Variants in RNF150 observed in about 807,000 individuals in gnomAD.
RNF150 encodes the protein ring finger protein 150.
RNF150 carries 24 observed loss-of-function variants against 39.3 expected under a neutral mutation model. The ratio of observed to expected loss-of-function variants is 0.61; its 90% CI spans 0.44 to 0.86. The LOEUF (loss-of-function observed/expected upper bound fraction) is 0.86, where lower values mean the gene tolerates loss of function less well. RNF150 is among the 40% of genes least tolerant of loss of function. The pLI, the probability that RNF150 is intolerant of heterozygous loss-of-function variation, is 0.00. For missense variants in RNF150, 502 were observed against 587.8 expected (o/e 0.85, Z 1.51); for synonymous variants, 255 against 227.3 (o/e 1.12, Z -1.10).
intron 1 of RNF150, among the ~76,000 whole-genome samples, chr4:141,097,721 C>T (rs1243090596): frequency 1.3e-5 from 2 of 151,814 alleles, no homozygotes; most frequent in African/African-American, 4.8e-5. Context: ...TTTTTTGAAC[C>T]ATTTATATTC....
chr4:140,882,317 T>A (rs1729407721), intron 6 of RNF150, among the ~76,000 whole-genome samples: 1 of 152,208 alleles, frequency 6.6e-6, no homozygotes, highest in Non-Finnish European at 1.5e-5. Context: ...CTCAATCTTC[T>A]TAAATTTCTT....
chr4:140,883,094 A>T (rs1199943055), intron 6 of RNF150, among the ~76,000 whole-genome samples: 1 of 151,870 alleles, frequency 6.6e-6, no homozygotes, highest in Admixed American at 6.6e-5. Context: ...TACTATAGAG[A>T]TGACATAAAA....
intron 1 of RNF150, among the ~76,000 whole-genome samples, chr4:141,172,528 AT>A (rs35373386): frequency 0.37 from 56,894 of 151,910 alleles, 13,111 homozygotes; most frequent in Non-Finnish European, 0.5. Context: ...TTTTTGAGAT[AT>A]CGTGGACTTA....
At position 141,132,323 on chromosome 4, in the gene RNF150, A is replaced by T; in HGVS notation, c.484+2T>A. 2 of 1,559,514 alleles carry T rather than the reference A, an allele frequency of 1.3e-6. No homozygotes were observed. Among genetic ancestry groups the T allele is most frequent in the Non-Finnish European group, 1.7e-6 (2 of 1,152,274 alleles). ...CTCCCCCGCGCCCGCTGGGCCACTC[A>T]CCCGCGTGGGGCATGGTGATGGTCT... is the stretch of plus-strand genomic sequence containing the variant. On this transcript the variant is annotated splice_donor_variant, in intron 1 of 6. Coordinates refer to ENST00000515673, the MANE Select transcript of RNF150 (RefSeq NM_020724.2). LOFTEE classifies it high-confidence loss of function. This position sits in a 1 kb window ranked among gnomAD's most constrained non-coding sequence, Gnocchi z 4.9.
intron 4 of RNF150, among the ~76,000 whole-genome samples, chr4:140,945,506 C>G (rs1267916137): frequency 6.7e-6 from 1 of 149,402 alleles, no homozygotes; most frequent in African/African-American, 2.4e-5. Context: ...TATATATACA[C>G]ATATACACAC....
At chr4:141,048,050 G>C (rs1458188203) in intron 1 of RNF150, among the ~76,000 whole-genome samples, 2 of 152,138 alleles carry the variant, frequency 1.3e-5, no homozygotes, top group Admixed American at 6.5e-5. Context: ...CAGACCAAAA[G>C]TGAACAAACA....
chr4:141,104,848 C>T (rs182768429), intron 1 of RNF150, among the ~76,000 whole-genome samples: 2 of 152,210 alleles, frequency 1.3e-5, no homozygotes, highest in African/African-American at 4.8e-5. Context: ...CTAGTAAGAC[C>T]TGAATAGAGA....
At chr4:140,925,438 G>A (rs146617946) in intron 5 of RNF150, among the ~76,000 whole-genome samples, 3 of 152,322 alleles carry the variant, frequency 2.0e-5, no homozygotes, top group Non-Finnish European at 4.4e-5. Flanking sequence ...CTAGCATTAA[G>A]TAGCTCTGGC....
chr4:141,087,020 T>C (rs1490109337), intron 1 of RNF150, among the ~76,000 whole-genome samples: 1 of 152,178 alleles, frequency 6.6e-6, no homozygotes, highest in African/African-American at 2.4e-5. Context: ...TGGAGGTACA[T>C]GTGAAAGTTT....
chr4:140,883,000 G>T (rs1729432587), intron 6 of RNF150, among the ~76,000 whole-genome samples: 1 of 150,754 alleles, frequency 6.6e-6, no homozygotes. Context: ...TGTTAGTTTT[G>T]TTCATTTTTT....
intron 6 of RNF150, among the ~76,000 whole-genome samples, chr4:140,873,877 T>A (rs998727409): frequency 4.6e-5 from 7 of 152,146 alleles, no homozygotes; most frequent in African/African-American, 1.7e-4. Flanking sequence ...GGTTTCGTTG[T>A]TGCCCAGGCT....
chr4:141,005,903 C>G (rs976705676), intron 1 of RNF150, among the ~76,000 whole-genome samples: 1 of 147,110 alleles, frequency 6.8e-6, no homozygotes, highest in Admixed American at 6.8e-5. Flanking sequence ...CCCGTCTCTA[C>G]TAAAAATACA....
At chr4:140,967,400 T>C (rs546835495) in intron 2 of RNF150, among the ~76,000 whole-genome samples, 3 of 152,112 alleles carry the variant, frequency 2.0e-5, no homozygotes, top group Non-Finnish European at 2.9e-5. Flanking sequence ...ACATAAGCAA[T>C]GGGAATGTAG....
chr4:141,089,366 T>A (rs1738489999), intron 1 of RNF150, among the ~76,000 whole-genome samples: 1 of 152,122 alleles, frequency 6.6e-6, no homozygotes, highest in Non-Finnish European at 1.5e-5. Context: ...GGGTACTTGT[T>A]GTTTAGAGGG....
At chr4:141,076,552 T>C (rs935660362) in intron 1 of RNF150, among the ~76,000 whole-genome samples, 7 of 151,602 alleles carry the variant, frequency 4.6e-5, no homozygotes, top group Admixed American at 3.3e-4. Context: ...CTTTTTACTG[T>C]TCTTCATCTA....
At position 141,004,232 on chromosome 4, in the gene RNF150, A is replaced by G. The variant is rs1232665995; in HGVS notation, c.485-36359T>C. Among the ~76,000 whole-genome samples, 6 of 151,688 alleles carry G rather than the reference A, an allele frequency of 4.0e-5. No homozygotes were observed. In the East Asian group the frequency reaches 9.7e-4, roughly 24 times the overall value. On this transcript the variant is annotated intron_variant, in intron 1 of 6. Coordinates refer to ENST00000515673, the MANE Select transcript of RNF150 (RefSeq NM_020724.2). ...TAGTGGGAAGAACAGATGTTAGTAAAAAAAAAAAAAAACTCCACCAATAAA... is the reference window on the plus strand; with the variant it reads ...TAGTGGGAAGAACAGATGTTAGTAAGAAAAAAAAAAAACTCCACCAATAAA...
intron 1 of RNF150, among the ~76,000 whole-genome samples, chr4:141,121,513 A>C (rs1277167471): frequency 6.6e-6 from 1 of 152,210 alleles, no homozygotes; most frequent in Non-Finnish European, 1.5e-5. Context: ...TCGTATAATA[A>C]TCAACATTTA....
intron 1 of RNF150, among the ~76,000 whole-genome samples, chr4:141,044,768 A>AGCGC (rs1190361085): frequency 5.1e-4 from 44 of 86,854 alleles, no homozygotes; most frequent in African/African-American, 1.8e-3. Context: ...GCGGGTGTGC[A>AGCGC]GCGCACACAC....
intron 1 of RNF150, among the ~76,000 whole-genome samples, chr4:141,153,329 G>A (rs1165337670): frequency 6.6e-6 from 1 of 152,078 alleles, no homozygotes; most frequent in Non-Finnish European, 1.5e-5. Flanking sequence ...GTTAAAATGA[G>A]GTCATTAAGG....
Sources: allele counts gnomAD v4.1 joint callset (sites outside exome capture counted in the v4.1 genomes callset), GRCh38; gene constraint gnomAD v4.1.1; non-coding constraint Gnocchi (gnomAD v3.1); transcripts MANE v1.5; gene names NCBI Gene and HGNC (gene_info 2026-07-23, HGNC 2026-07-21).